ATAD1: variants seen among roughly 807,000 people sequenced by gnomAD.
ATAD1 encodes ATPase family AAA domain containing 1.
ATAD1 carries 18 observed loss-of-function variants against 42.7 expected under a neutral mutation model. That is an observed-to-expected ratio of 0.42 (90% CI 0.29 to 0.63). ATAD1 has a LOEUF of 0.63. ATAD1 is among the 20% of genes least tolerant of loss of function. The probability of loss-of-function intolerance (pLI) is 0.19; values close to 1 mark genes in which losing one functional copy is unlikely to be tolerated. For synonymous variants in ATAD1, 132 were observed against 143.1 expected (o/e 0.92, Z 0.55); for missense variants, 294 against 440.4 (o/e 0.67, Z 2.98).
chr10:87,827,038 C>T (rs1857742858), intron 1 of ATAD1, among the ~76,000 whole-genome samples: 1 of 152,150 alleles, frequency 6.6e-6, no homozygotes, highest in Non-Finnish European at 1.5e-5. Flanking sequence ...GAACCCAACA[C>T]AGGAAATTTA....
intron 8 of ATAD1, among the ~76,000 whole-genome samples, chr10:87,760,396 A>G (rs1361749541): frequency 6.6e-6 from 1 of 152,152 alleles, no homozygotes; most frequent in African/African-American, 2.4e-5. Flanking sequence ...TGCCATGGTA[A>G]GACATGCTTG....
At chr10:87,820,326 A>G (rs1334332802), upstream of ATAD1, among the ~76,000 whole-genome samples, 1 of 152,178 alleles carries the variant, frequency 6.6e-6, no homozygotes, top group East Asian at 1.9e-4. Flanking sequence ...GAGAAATTCA[A>G]GATAGTAATG....
At chr10:87,774,334 CT>C (rs1041657127) in intron 6 of ATAD1, among the ~76,000 whole-genome samples, 6 of 152,130 alleles carry the variant, frequency 3.9e-5, no homozygotes, top group Admixed American at 2.6e-4. Flanking sequence ...ATATTCCTCC[CT>C]TTTTATAGAT....
intron 6 of ATAD1, among the ~76,000 whole-genome samples, chr10:87,776,041 G>A (rs1209808118): frequency 6.6e-6 from 1 of 152,150 alleles, no homozygotes; most frequent in Non-Finnish European, 1.5e-5. Context: ...TAGCACTGTA[G>A]GTTCTGAAAA....
intron 1 of ATAD1, among the ~76,000 whole-genome samples, chr10:87,828,312 CATG>C (rs770693990): frequency 2.5e-4 from 38 of 152,132 alleles, no homozygotes; most frequent in Non-Finnish European, 4.6e-4. Flanking sequence ...TGAATAAATG[CATG>C]ATAAGAAAGC....
chr10:87,772,653 T>C (rs1262174142), intron 6 of ATAD1, among the ~76,000 whole-genome samples: 1 of 152,020 alleles, frequency 6.6e-6, no homozygotes, highest in Non-Finnish European at 1.5e-5. Flanking sequence ...AAAGCCAGTA[T>C]AGAGGATGGA....
Position 87,754,436 on chromosome 10 carries a change from T to TA in ATAD1, c.*250dup. 3.4e-6 allele frequency: 1 copy of TA among 295,724 alleles called. No individual in the cohort carries two copies. Among genetic ancestry groups the TA allele is most frequent in the Non-Finnish European group, 6.4e-6 (1 of 155,208 alleles). The allele number at this position is 295,724 out of a possible 1,614,324, so 18.3% of individuals were successfully genotyped here. Reference sequence around the variant, plus strand: ...GCTTAGATTCTATAAGGCTGTACAATATATGGCTGAAAAGGTCAAACACAA... The same window carrying TA: ...GCTTAGATTCTATAAGGCTGTACAATAATATGGCTGAAAAGGTCAAACACAA... On this transcript the variant is annotated 3_prime_UTR_variant, in exon 10 of 10. Coordinates refer to ENST00000680024, the MANE Select transcript of ATAD1 (RefSeq NM_001321967.2).
intron 6 of ATAD1, among the ~76,000 whole-genome samples, chr10:87,773,399 T>C (rs1855143460): frequency 6.6e-6 from 1 of 152,108 alleles, no homozygotes; most frequent in Non-Finnish European, 1.5e-5. Context: ...GGTGACCATA[T>C]TACAAGAAAG....
rs1282582987 is a variant in ATAD1, at chr10:87,754,816, C to T, written c.966-9G>A. The T allele has an allele frequency of 1.1e-5, 17 of 1,608,422 alleles. No homozygotes were observed. The highest frequency in any genetic ancestry group is 1.4e-5 in the Non-Finnish European group (17 of 1,176,248). The stretch of plus-strand genomic sequence containing the variant: ...TTTCATCTTCGTCATGGCTAAAATG[C>T]AAACAAAACCATCAAATACTCAAAT... On this transcript the variant is annotated splice_polypyrimidine_tract_variant and intron_variant, in intron 9 of 9. Coordinates refer to ENST00000680024, the MANE Select transcript of ATAD1 (RefSeq NM_001321967.2).
At chr10:87,808,670 A>C (rs1039969898) in intron 2 of ATAD1, among the ~76,000 whole-genome samples, 2 of 152,226 alleles carry the variant, frequency 1.3e-5, no homozygotes, top group Admixed American at 1.3e-4. Context: ...TATTGGGAGA[A>C]TCATACAGGT....
chr10:87,777,133 G>A (rs1855341398), intron 5 of ATAD1, among the ~76,000 whole-genome samples: 1 of 152,104 alleles, frequency 6.6e-6, no homozygotes, highest in Non-Finnish European at 1.5e-5. Flanking sequence ...GAAAAATGAA[G>A]GATCTAGTAC....
chr10:87,754,530 G>T lies in ATAD1; in HGVS notation c.*157C>A. On this transcript the variant is annotated 3_prime_UTR_variant, in exon 10 of 10. Coordinates refer to ENST00000680024, the MANE Select transcript of ATAD1 (RefSeq NM_001321967.2). ...TTTGACCAACAGTAATACCACCTAT[G>T]TAACAACTATATCTCAATAACTTAG... is the stretch of plus-strand genomic sequence containing the variant. 1.2e-6 allele frequency: 1 copy of T among 862,488 alleles called. No individual in the cohort carries two copies. The highest frequency in any genetic ancestry group is 1.6e-6 in the Non-Finnish European group (1 of 613,994). 53.4% of individuals were successfully genotyped at this position (862,488 alleles called of 1,614,324 possible). A position where few individuals can be genotyped will look rare whatever the true frequency, so the allele number is the denominator to read the frequency against.
At chr10:87,825,647 C>A (rs1348302632) in intron 1 of ATAD1, among the ~76,000 whole-genome samples, 1 of 151,376 alleles carries the variant, frequency 6.6e-6, no homozygotes, top group Non-Finnish European at 1.5e-5. Flanking sequence ...GGGACAACCA[C>A]AGCGTCAGAG....
chr10:87,778,191 A>C (rs906735040), intron 5 of ATAD1, among the ~76,000 whole-genome samples: 10 of 150,460 alleles, frequency 6.6e-5, no homozygotes, highest in South Asian at 2.1e-4. Context: ...AAAAAAAAAA[A>C]AAAAAAAAAC....
chr10:87,788,236 A>T (rs1289880465), intron 4 of ATAD1, among the ~76,000 whole-genome samples: 6 of 152,234 alleles, frequency 3.9e-5, no homozygotes, highest in Middle Eastern at 3.2e-3. Flanking sequence ...TGTGTGAAGC[A>T]GTGATCACTT....
Position 87,752,166 on chromosome 10 carries a change from A to C in ATAD1, c.*2521T>G, listed in dbSNP as rs1029182847. ...AGTAAAGGAGATACTAAATTGATTCAAATACTTCATTTCTAAACTCTACAA... is the reference window on the plus strand; with the variant it reads ...AGTAAAGGAGATACTAAATTGATTCCAATACTTCATTTCTAAACTCTACAA... On this transcript the variant is annotated 3_prime_UTR_variant, in exon 10 of 10. Coordinates refer to ENST00000680024, the MANE Select transcript of ATAD1 (RefSeq NM_001321967.2). The C allele has an allele frequency of 2.1e-5, 3 of 145,972 alleles. No homozygotes were observed. Among genetic ancestry groups the C allele is most frequent in the Non-Finnish European group, 4.5e-5 (3 of 66,914 alleles). The allele number at this position is 145,972 out of a possible 1,614,324, so 9.0% of individuals were successfully genotyped here.
chr10:87,776,627 C>A lies in ATAD1; in HGVS notation c.584-200G>T, dbSNP rs149294336. ...AGGACCACAGGTATGTGCCACCATG[C>A]GGAGCTAATTTTTTTTTTATTTTCT... On this transcript the variant is annotated intron_variant, in intron 5 of 9. Coordinates refer to ENST00000680024, the MANE Select transcript of ATAD1 (RefSeq NM_001321967.2). 2.1e-4 allele frequency among the ~76,000 whole-genome samples: 32 copies of A among 152,028 alleles called. No homozygotes were observed. The East Asian group carries it at 5.0e-3, about 24-fold the overall frequency.
chr10:87,833,727 C>CTTTTTTTTTTTTTTTTTTTTTTTTTT (rs3033524), intron 1 of ATAD1, among the ~76,000 whole-genome samples: 1 of 100,768 alleles, frequency 9.9e-6, no homozygotes, highest in Non-Finnish European at 1.9e-5. Flanking sequence ...TCTTTCTTTC[C>CTTTTTTTTTTTTTTTTTTTTTTTTTT]TTTTTTTTTT....
At chr10:87,829,863 A>G (rs988321793) in intron 1 of ATAD1, among the ~76,000 whole-genome samples, 1 of 152,262 alleles carries the variant, frequency 6.6e-6, no homozygotes, top group African/African-American at 2.4e-5. Context: ...TAATGTGAAC[A>G]TTGTTGAAAT....
Sources: gnomAD v4.1 joint callset for allele counts (sites outside exome capture counted in the v4.1 genomes callset) on GRCh38, gnomAD v4.1.1 for gene constraint, MANE v1.5 for transcripts, NCBI Gene and HGNC (gene_info 2026-07-23, HGNC 2026-07-21) for gene names.